The following CNTN5 variants were observed in gnomAD, a reference collection of about 807,000 sequenced individuals.
CNTN5 encodes contactin 5.
In CNTN5, 77 loss-of-function variants were observed where a neutral mutation model predicts 129.1. That is an observed-to-expected ratio of 0.60 (90% CI 0.50 to 0.72). The LOEUF (loss-of-function observed/expected upper bound fraction) is 0.72. Ranked by LOEUF, CNTN5 falls within the 30% of genes least tolerant of loss-of-function variation. The pLI is 0.00. For synonymous variants in CNTN5, 509 were observed against 465.6 expected, an observed-to-expected ratio of 1.09 and a Z score of -1.20; for missense variants, 1,478 against 1,328.8, an observed-to-expected ratio of 1.11 and a Z score of -1.75.
At chr11:99,841,706 A>G (rs1947498706) in intron 4 of CNTN5, among the ~76,000 whole-genome samples, 1 of 151,008 alleles carries the variant, frequency 6.6e-6, no homozygotes, top group African/African-American at 2.4e-5. Flanking sequence ...AAAAATAAGA[A>G]GAAATAATAG....
chr11:100,054,508 T>C (rs1039258534), intron 9 of CNTN5, among the ~76,000 whole-genome samples: 2 of 151,894 alleles, frequency 1.3e-5, no homozygotes, highest in African/African-American at 2.4e-5. Flanking sequence ...GTAACTCCTT[T>C]TCTAGGTTTA....
intron 1 of CNTN5, among the ~76,000 whole-genome samples, chr11:99,220,643 A>G (rs1860352809): frequency 6.6e-6 from 1 of 151,978 alleles, no homozygotes; most frequent in African/African-American, 2.4e-5. Flanking sequence ...TCCAGCTGAC[A>G]CCAAAAGAGC....
rs528845161 is a variant in CNTN5, at chr11:99,041,059, T to C, written c.-210+19789T>C. Among the ~76,000 whole-genome samples, 8 of 152,278 alleles carry C rather than the reference T, an allele frequency of 5.3e-5. No homozygotes were observed. The South Asian group carries it at 1.7e-3, about 32-fold the overall frequency. On this transcript the variant is annotated intron_variant, in intron 1 of 24. Coordinates refer to ENST00000524871, the MANE Select transcript of CNTN5 (RefSeq NM_014361.4). ...TTGAACTAATCTCCTCAAACCTTAT[T>C]TCTCATTTGTTCAATGAGAACACAA...
At position 99,793,498 on chromosome 11, in the gene CNTN5, A is replaced by G. The variant is rs531655056; in HGVS notation, c.56-26046A>G. Among the ~76,000 whole-genome samples the G allele has an allele frequency of 7.9e-5, 12 of 152,216 alleles. No individual in the cohort carries two copies. In the South Asian group the frequency reaches 2.5e-3, roughly 32 times the overall value. On this transcript the variant is annotated intron_variant, in intron 3 of 24. Transcript: ENST00000524871. ...AGATTTGGGGGTGATTTGCTGTTGT[A>G]CTTCTAGTTCCTCTAGTTGATAATT...
At chr11:99,780,984 C>T (rs1056607083) in intron 3 of CNTN5, among the ~76,000 whole-genome samples, 1 of 151,954 alleles carries the variant, frequency 6.6e-6, no homozygotes. Context: ...GAAATTTGAA[C>T]ACACAATGTT....
chr11:99,503,104 G>A (rs993495703), intron 2 of CNTN5, among the ~76,000 whole-genome samples: 2 of 151,490 alleles, frequency 1.3e-5, no homozygotes, highest in African/African-American at 4.9e-5. Context: ...ATTTTTACTT[G>A]CAGTTTGACA....
At chr11:99,549,018 C>T (rs1459751584) in intron 2 of CNTN5, among the ~76,000 whole-genome samples, 1 of 152,002 alleles carries the variant, frequency 6.6e-6, no homozygotes, top group Non-Finnish European at 1.5e-5. Flanking sequence ...TCCATAGCTT[C>T]CAGCTATTGC....
chr11:99,788,972 A>G (rs1428614836), intron 3 of CNTN5, among the ~76,000 whole-genome samples: 2 of 151,878 alleles, frequency 1.3e-5, no homozygotes, highest in African/African-American at 2.4e-5. Flanking sequence ...TAGTAGCTTA[A>G]TATTTTATTT....
At chr11:99,400,375 G>A (rs979837287) in intron 2 of CNTN5, among the ~76,000 whole-genome samples, 16 of 152,168 alleles carry the variant, frequency 1.1e-4, no homozygotes, top group Admixed American at 8.5e-4. Context: ...TTCTATTTAC[G>A]TTGTTGCTTA....
At chr11:99,073,380 T>C in intron 1 of CNTN5, among the ~76,000 whole-genome samples, 1 of 148,510 alleles carries the variant, frequency 6.7e-6, no homozygotes, top group Admixed American at 6.7e-5. Context: ...TTTGGTTTTT[T>C]TTTTTTTTTT....
At chr11:99,928,281 C>A (rs180749075) in intron 7 of CNTN5, among the ~76,000 whole-genome samples, 54 of 152,270 alleles carry the variant, frequency 3.5e-4, no homozygotes, top group African/African-American at 1.3e-3. Context: ...AGTGGACCTA[C>A]TATTCTGGGG....
chr11:100,057,724 C>A (rs1274304171), intron 9 of CNTN5, among the ~76,000 whole-genome samples: 1 of 151,898 alleles, frequency 6.6e-6, no homozygotes, highest in African/African-American at 2.4e-5. Context: ...CATATTAGAA[C>A]CCAGGTTTCT....
intron 7 of CNTN5, among the ~76,000 whole-genome samples, chr11:99,925,058 C>G (rs567541664): frequency 1.3e-5 from 2 of 152,220 alleles, no homozygotes; most frequent in Non-Finnish European, 2.9e-5. Flanking sequence ...ACACCTGACT[C>G]CCATAAAGTG....
In CNTN5 at chr11:100,158,223, G is replaced by A. The variant is rs151199094; in HGVS notation, c.1581-32903G>A. Among the ~76,000 whole-genome samples the A allele has an allele frequency of 6.9e-3, 1,044 of 151,774 alleles. 15 individuals carry two copies. Among genetic ancestry groups the A allele is most frequent in the African/African-American group, 0.024 (1,000 of 41,456 alleles). On this transcript the variant is annotated intron_variant, in intron 13 of 24. Coordinates refer to ENST00000524871, the MANE Select transcript of CNTN5 (RefSeq NM_014361.4). The stretch of plus-strand genomic sequence containing the variant: ...CACACAAACAAACCAAAATCAAAAC[G>A]AACAAAATGGATCAGGGTTACTGGA...
At chr11:99,221,596 A>G (rs1368443434) in intron 1 of CNTN5, among the ~76,000 whole-genome samples, 1 of 151,948 alleles carries the variant, frequency 6.6e-6, no homozygotes, top group Non-Finnish European at 1.5e-5. Context: ...TAACTGTTGT[A>G]TTAAAATTAA....
chr11:99,684,078 C>G (rs1440799496), intron 3 of CNTN5, among the ~76,000 whole-genome samples: 4 of 151,678 alleles, frequency 2.6e-5, no homozygotes, highest in Non-Finnish European at 5.9e-5. Context: ...GTTTCCTCTA[C>G]TCAACATATT....
intron 3 of CNTN5, among the ~76,000 whole-genome samples, chr11:99,711,305 C>T (rs1954977344): frequency 6.6e-6 from 1 of 151,852 alleles, no homozygotes. Flanking sequence ...TAACACATAA[C>T]TGTTAAGTGG....
intron 10 of CNTN5, among the ~76,000 whole-genome samples, chr11:100,063,261 A>T (rs977149480): frequency 6.6e-6 from 1 of 151,804 alleles, no homozygotes; most frequent in African/African-American, 2.4e-5. Context: ...TTCACTCCTT[A>T]TTACTGGTGT....
intron 2 of CNTN5, among the ~76,000 whole-genome samples, chr11:99,396,367 GA>G (rs1255276050): frequency 6.6e-6 from 1 of 151,474 alleles, no homozygotes; most frequent in African/African-American, 2.4e-5. Flanking sequence ...AAAATATAGA[GA>G]AACTCTGTGG....
Sources: allele counts gnomAD v4.1 joint callset (sites outside exome capture counted in the v4.1 genomes callset), GRCh38; gene constraint gnomAD v4.1.1; transcripts MANE v1.5; gene names NCBI Gene and HGNC (gene_info 2026-07-23, HGNC 2026-07-21).